The following AZIN2 variants were observed in gnomAD, a reference collection of about 807,000 sequenced individuals.
The protein encoded by AZIN2 is ODC antizyme inhibitor-2.
In AZIN2, 28 loss-of-function variants were observed where a neutral mutation model predicts 47.8. The ratio of observed to expected loss-of-function variants is 0.59; its 90% CI spans 0.43 to 0.80. The LOEUF (loss-of-function observed/expected upper bound fraction) is 0.80. AZIN2 is among the 30% of genes least tolerant of loss of function. The probability of loss-of-function intolerance (pLI) is 0.00; values close to 1 mark genes in which losing one functional copy is unlikely to be tolerated. For synonymous variants in AZIN2, 221 were observed against 239.4 expected, an observed-to-expected ratio of 0.92 and a Z score of 0.71; for missense variants, 535 against 582.5, an observed-to-expected ratio of 0.92 and a Z score of 0.84.
intron 10 of AZIN2, among the ~76,000 whole-genome samples, chr1:33,110,067 G>T (rs1050898375): frequency 1.2e-4 from 19 of 152,150 alleles, no homozygotes; most frequent in Non-Finnish European, 7.4e-5. Context: ...CATCCTTAGT[G>T]TAAGAGTCAA....
intron 5 of AZIN2, among the ~76,000 whole-genome samples, chr1:33,084,628 G>C (rs183974092): frequency 6.6e-6 from 1 of 151,984 alleles, no homozygotes; most frequent in South Asian, 2.1e-4. Flanking sequence ...ATGGTGTCTT[G>C]CTCTGTCACC....
rs745607389 is a variant in AZIN2 at position 33,096,768 on chromosome 1, T to A, written c.815T>A (p.Ile272Asn). 1 of 1,614,202 alleles carries A rather than the reference T, an allele frequency of 6.2e-7. No homozygotes were observed. Among genetic ancestry groups the A allele is most frequent in the South Asian group, 1.1e-5 (1 of 91,088 alleles). Reference sequence around the variant, plus strand: ...TTCCCAGAGGGCTGTGGCGTGGACATCTTTGCTGAGCTGGGGCGCTACTAC... The same window carrying A: ...TTCCCAGAGGGCTGTGGCGTGGACAACTTTGCTGAGCTGGGGCGCTACTAC... ...LYFPEGCGVD[I>N]FAELGRYYVT... is the part of the protein sequence containing the mutation. The change falls in exon 9 of 12, where the codon ATC (isoleucine) becomes AAC (asparagine). Residue 272 changes from isoleucine (I) to asparagine (N), a missense_variant. By Grantham distance (149) the Ile-to-Asn change is moderately radical. This residue lies in a region of AZIN2 where 409 missense variants were observed against 429.0 expected (regional missense o/e 0.95). Transcript: ENST00000294517.
chr1:33,119,755 T>C, intron 11 of AZIN2: 1 of 481,886 alleles, frequency 2.1e-6, no homozygotes, highest in Non-Finnish European at 3.8e-6. Flanking sequence ...TGGTAATGCC[T>C]CCCTCATGGG....
At chr1:33,107,498 T>C (rs1030721059) in intron 10 of AZIN2, among the ~76,000 whole-genome samples, 8 of 152,180 alleles carry the variant, frequency 5.3e-5, no homozygotes, top group Admixed American at 3.9e-4. Context: ...AAGAATCATT[T>C]GAGCCTGGGA....
At chr1:33,094,404 A>G in intron 7 of AZIN2, 144 bp from the exon 8 acceptor site, 3 of 868,996 alleles carry the variant, frequency 3.5e-6, no homozygotes, top group Non-Finnish European at 5.3e-6. Context: ...TTGGCAACCC[A>G]TTGAACATTT....
Position 33,120,372 on chromosome 1 carries a change from C to A in AZIN2, c.*190C>A. The A allele has an allele frequency of 1.3e-6, 1 of 774,986 alleles. No individual in the cohort carries two copies. The highest frequency in any genetic ancestry group is 2.0e-6 in the Non-Finnish European group (1 of 501,930). 48.0% of individuals were successfully genotyped at this position (774,986 alleles called of 1,614,324 possible). ...TTACACTCGCTGTAGTTCAAGTATGCAACATAAATCCTGTTCCTTCCAGCT... is the reference window on the plus strand; with the variant it reads ...TTACACTCGCTGTAGTTCAAGTATGAAACATAAATCCTGTTCCTTCCAGCT... On this transcript the variant is annotated 3_prime_UTR_variant, in exon 12 of 12. Transcript: ENST00000294517.
the AZIN2 span, among the ~76,000 whole-genome samples, chr1:33,157,720 A>G: frequency 6.6e-6 from 1 of 151,074 alleles, no homozygotes; most frequent in African/African-American, 2.4e-5. Context: ...CATCTGGAGA[A>G]TGGGTTTGCT....
the AZIN2 span, among the ~76,000 whole-genome samples, chr1:33,157,175 C>A: frequency 6.6e-6 from 1 of 152,182 alleles, no homozygotes; most frequent in Non-Finnish European, 1.5e-5. Context: ...GGCCTACAGA[C>A]CCTCGTGGTG....
At chr1:33,086,551 T>A (rs1296504905) in intron 5 of AZIN2, among the ~76,000 whole-genome samples, 3 of 152,240 alleles carry the variant, frequency 2.0e-5, no homozygotes, top group African/African-American at 7.2e-5. Context: ...TCTGGTCGTC[T>A]GTAGTGGGTG....
In AZIN2 at chr1:33,120,080, G is replaced by A; in HGVS notation, c.1281G>A (p.Gln427=). The change falls in exon 12 of 12, where the codon CAG becomes CAA. Residue 427 remains glutamine, a synonymous_variant. Coordinates refer to ENST00000294517, the MANE Select transcript of AZIN2 (RefSeq NM_052998.4). ...GAAGGCAGCTGATGGCTGCAGAACA[G>A]GAGGATGACGTGGAGGGTGTGTGCA... The part of the protein sequence containing the change: ...ALRRQLMAAE[Q]EDDVEGVCKP... The A allele has an allele frequency of 6.2e-7, 1 of 1,613,914 alleles. No individual in the cohort carries two copies. The highest frequency in any genetic ancestry group is 1.7e-4 in the Middle Eastern group (1 of 6,060).
the AZIN2 span, among the ~76,000 whole-genome samples, chr1:33,134,601 A>G: frequency 6.6e-6 from 1 of 152,196 alleles, no homozygotes. Context: ...ATCCGGTAGT[A>G]GGATGGGCTG....
intron 10 of AZIN2, among the ~76,000 whole-genome samples, chr1:33,116,475 T>C (rs993643459): frequency 3.9e-5 from 6 of 152,214 alleles, no homozygotes; most frequent in Admixed American, 1.3e-4. Flanking sequence ...CATATCCTTT[T>C]TCTCCCCTTT....
In AZIN2 at chr1:33,117,084, A is replaced by G. The variant is rs550582565; in HGVS notation, c.1030-818A>G. Among the ~76,000 whole-genome samples the G allele has an allele frequency of 3.4e-3, 522 of 152,332 alleles. 2 individuals are homozygous for G. Among genetic ancestry groups the G allele is most frequent in the Non-Finnish European group, 6.2e-3 (419 of 68,020 alleles). On this transcript the variant is annotated intron_variant, in intron 10 of 11. Coordinates refer to ENST00000294517, the MANE Select transcript of AZIN2 (RefSeq NM_052998.4). ...GGATTTGGAAATCATTTAAGAAAAA[A>G]TCTTAAATTTTATGTCATTGGTAGT...
chr1:33,083,751 T>C (rs1641550404), intron 4 of AZIN2: 6 of 604,658 alleles, frequency 9.9e-6, no homozygotes, highest in South Asian at 1.9e-5. Context: ...AGGGGAGGGA[T>C]TGGGGCTAGA....
intron 7 of AZIN2, 70 bp downstream of exon 7, chr1:33,093,486 T>C: frequency 6.4e-7 from 1 of 1,555,144 alleles, no homozygotes; most frequent in Non-Finnish European, 8.7e-7. Context: ...GAATTAATTC[T>C]ATATGAGACC....
At chr1:33,134,946 C>A in the AZIN2 span, among the ~76,000 whole-genome samples, 1 of 152,210 alleles carries the variant, frequency 6.6e-6, no homozygotes, top group Non-Finnish European at 1.5e-5. Context: ...CTGCCTCCAG[C>A]TGTGTTTCAC....
the AZIN2 span, among the ~76,000 whole-genome samples, chr1:33,136,596 CT>C: frequency 2.6e-5 from 4 of 151,340 alleles, no homozygotes; most frequent in African/African-American, 9.7e-5. Flanking sequence ...TCTTGAACTC[CT>C]GGCCTCAAGT....
chr1:33,135,263 G>A, the AZIN2 span, among the ~76,000 whole-genome samples: 1 of 152,166 alleles, frequency 6.6e-6, no homozygotes, highest in South Asian at 2.1e-4. Flanking sequence ...ACTCCTGCCT[G>A]GGTGACAGAG....
At chr1:33,127,800 G>T (rs189298116), downstream of AZIN2, among the ~76,000 whole-genome samples, 61 of 152,328 alleles carry the variant, frequency 4.0e-4, no homozygotes, top group Admixed American at 4.0e-3. Flanking sequence ...TCTAGGCCAA[G>T]GAGTTTTACA....
Sources: allele counts gnomAD v4.1 joint callset (sites outside exome capture counted in the v4.1 genomes callset), GRCh38; gene constraint gnomAD v4.1.1; regional missense constraint gnomAD v4.1.1; transcripts MANE v1.5; gene names NCBI Gene and HGNC (gene_info 2026-07-23, HGNC 2026-07-21).